Variants in ERC2 observed in about 807,000 individuals in gnomAD.
ERC2 encodes the protein ELKS/RAB6-interacting/CAST family member 2.
In ERC2, 42 loss-of-function variants were observed where a neutral mutation model predicts 114.8. The ratio of observed to expected loss-of-function variants is 0.37; its 90% CI spans 0.29 to 0.47. The LOEUF (loss-of-function observed/expected upper bound fraction) is 0.47. Among genes scored for constraint, ERC2 ranks in the 20% least tolerant of loss-of-function variants. The pLI is 0.99. For synonymous variants in ERC2, 454 were observed against 425.5 expected (o/e 1.07, Z -0.82); for missense variants, 939 against 1,150.7 (o/e 0.82, Z 2.66).
intron 2 of ERC2, among the ~76,000 whole-genome samples, chr3:56,394,598 A>G (rs981865411): frequency 6.6e-6 from 1 of 152,214 alleles, no homozygotes; most frequent in Non-Finnish European, 1.5e-5. Context: ...CAAAGGGCCA[A>G]TAACCACATA....
intron 17 of ERC2, among the ~76,000 whole-genome samples, chr3:55,662,562 T>C (rs902944072): frequency 8.5e-5 from 13 of 152,220 alleles, no homozygotes; most frequent in Admixed American, 4.6e-4. Context: ...TACCAATTAA[T>C]TGGGGTCTAT....
intron 12 of ERC2, among the ~76,000 whole-genome samples, chr3:55,979,099 T>A (rs2069852627): frequency 6.6e-6 from 1 of 152,146 alleles, no homozygotes; most frequent in African/African-American, 2.4e-5. Context: ...CAACTCATTC[T>A]CTCCACGGTA....
At chr3:55,613,031 C>T (rs985904258) in intron 17 of ERC2, 8 of 152,180 alleles carry the variant, frequency 5.3e-5, no homozygotes, top group African/African-American at 1.9e-4. Context: ...AACCCTAATC[C>T]AGGACCAAAG....
chr3:56,030,637 A>G (rs2074322885), intron 7 of ERC2, among the ~76,000 whole-genome samples: 1 of 152,166 alleles, frequency 6.6e-6, no homozygotes, highest in Non-Finnish European at 1.5e-5. Flanking sequence ...CCATTCTTGC[A>G]TTTTAAAAAT....
chr3:56,027,530 T>C (rs1363227923), intron 7 of ERC2, among the ~76,000 whole-genome samples: 1 of 152,220 alleles, frequency 6.6e-6, no homozygotes, highest in Non-Finnish European at 1.5e-5. Context: ...TGTGTAGTGA[T>C]ATATCAATGT....
chr3:55,902,933 C>A (rs2064222285), intron 13 of ERC2, among the ~76,000 whole-genome samples: 1 of 152,224 alleles, frequency 6.6e-6, no homozygotes, highest in Non-Finnish European at 1.5e-5. Context: ...AAGTACACAT[C>A]CTGATGTGCA....
chr3:56,455,617 A>C (rs2063027202), intron 1 of ERC2, among the ~76,000 whole-genome samples: 1 of 152,242 alleles, frequency 6.6e-6, no homozygotes, highest in African/African-American at 2.4e-5. Context: ...TCATGAAGTT[A>C]TTGTGAAGAT....
intron 15 of ERC2, among the ~76,000 whole-genome samples, chr3:55,732,396 C>T (rs2065308699): frequency 6.6e-6 from 1 of 152,170 alleles, no homozygotes; most frequent in Non-Finnish European, 1.5e-5. Flanking sequence ...TCCTTCACTG[C>T]ATCCTTCTCC....
At chr3:55,657,715 C>T (rs1214591396) in intron 17 of ERC2, 4 of 152,204 alleles carry the variant, frequency 2.6e-5, no homozygotes, top group African/African-American at 9.7e-5. Flanking sequence ...CCACCTTGGC[C>T]TCGCAAAGTG....
chr3:56,284,627 G>T (rs958482621), intron 3 of ERC2, among the ~76,000 whole-genome samples: 2 of 152,148 alleles, frequency 1.3e-5, no homozygotes, highest in Non-Finnish European at 1.5e-5. Flanking sequence ...AGGCCATTTA[G>T]GGAAAAGCAG....
chr3:56,207,705 C>A (rs2048825669), intron 3 of ERC2, among the ~76,000 whole-genome samples: 1 of 152,096 alleles, frequency 6.6e-6, no homozygotes, highest in Non-Finnish European at 1.5e-5. Flanking sequence ...TGGTAAACAG[C>A]AAACAAAAGG....
intron 2 of ERC2, among the ~76,000 whole-genome samples, chr3:56,392,499 C>A (rs2060164782): frequency 6.6e-6 from 1 of 152,124 alleles, no homozygotes; most frequent in African/African-American, 2.4e-5. Context: ...AAAAGATTCA[C>A]ATTGACTCCC....
chr3:56,286,715 T>C (rs2054745016), intron 3 of ERC2, among the ~76,000 whole-genome samples: 1 of 152,126 alleles, frequency 6.6e-6, no homozygotes, highest in South Asian at 2.1e-4. Context: ...TACGTAATCC[T>C]TTCAAATGTA....
chr3:56,166,095 G>T (rs145572020), intron 4 of ERC2, among the ~76,000 whole-genome samples: 70 of 151,908 alleles, frequency 4.6e-4, no homozygotes, highest in Middle Eastern at 3.4e-3. Flanking sequence ...CATTTTTGGG[G>T]GCCATGGATG....
intron 14 of ERC2, among the ~76,000 whole-genome samples, chr3:55,795,136 T>C (rs898251823): frequency 4.6e-5 from 7 of 152,174 alleles, no homozygotes; most frequent in African/African-American, 1.7e-4. Context: ...TACATTAACG[T>C]TCTTTCAAAT....
intron 17 of ERC2, among the ~76,000 whole-genome samples, chr3:55,660,247 T>C (rs193215320): frequency 6.6e-6 from 1 of 152,310 alleles, no homozygotes; most frequent in Non-Finnish European, 1.5e-5. Flanking sequence ...CCAGATAAAA[T>C]GTAAGCAATA....
At chr3:56,325,300 G>T (rs897655198) in intron 2 of ERC2, among the ~76,000 whole-genome samples, 4 of 152,008 alleles carry the variant, frequency 2.6e-5, no homozygotes, top group South Asian at 2.1e-4. Context: ...AAAAAATTTA[G>T]CTGGGTGTGG....
At chr3:56,106,285 T>C (rs965174547) in intron 6 of ERC2, among the ~76,000 whole-genome samples, 2 of 152,116 alleles carry the variant, frequency 1.3e-5, no homozygotes, top group Non-Finnish European at 2.9e-5. Context: ...AGAGATACAA[T>C]AGAATTACAC....
At chr3:55,589,992 C>T (rs1011462267) in intron 17 of ERC2, among the ~76,000 whole-genome samples, 4 of 152,108 alleles carry the variant, frequency 2.6e-5, no homozygotes, top group Admixed American at 2.0e-4. Flanking sequence ...TCAAAAGTCT[C>T]ACATTCTCAA....
Sources: gnomAD v4.1 joint callset for allele counts (sites outside exome capture counted in the v4.1 genomes callset) on GRCh38, gnomAD v4.1.1 for gene constraint, MANE v1.5 for transcripts, NCBI Gene and HGNC (gene_info 2026-07-23, HGNC 2026-07-21) for gene names.